Variants in PRELID2 observed in about 807,000 individuals in gnomAD.
PRELID2 encodes PRELI domain containing 2.
A neutral mutation model predicts 28.4 loss-of-function variants in PRELID2; 25 were observed. The ratio of observed to expected loss-of-function variants is 0.88; its 90% confidence interval spans 0.64 to 1.23. The LOEUF (loss-of-function observed/expected upper bound fraction) is 1.23. PRELID2 is among the 50% of genes most tolerant of loss of function. The pLI is 0.00. For synonymous variants in PRELID2, 76 were observed against 71.6 expected (o/e 1.06, Z -0.31); for missense variants, 201 against 214.4 (o/e 0.94, Z 0.39).
chr5:145,254,868 C>T, the PRELID2 span, among the ~76,000 whole-genome samples: 1 of 150,390 alleles, frequency 6.6e-6, no homozygotes, highest in African/African-American at 2.5e-5. Context: ...TGGCCAAATA[C>T]GAGAAATGAG....
chr5:145,320,218 C>T, the PRELID2 span, among the ~76,000 whole-genome samples: 1 of 151,618 alleles, frequency 6.6e-6, no homozygotes. Flanking sequence ...ACTACTTGCA[C>T]TTGGCATTTC....
At chr5:145,464,782 C>T in the PRELID2 span, among the ~76,000 whole-genome samples, 2 of 152,036 alleles carry the variant, frequency 1.3e-5, no homozygotes, top group Non-Finnish European at 2.9e-5. Context: ...TAATTAAAGC[C>T]TCTCTATGAA....
intron 4 of PRELID2, among the ~76,000 whole-genome samples, chr5:145,805,342 A>G (rs546454707): frequency 1.3e-5 from 2 of 152,292 alleles, no homozygotes; most frequent in African/African-American, 2.4e-5. Flanking sequence ...ATCATGCTTT[A>G]TAAGATTAAC....
At chr5:145,671,720 T>G (rs895124702) in intron 1 of PRELID2, among the ~76,000 whole-genome samples, 1 of 152,160 alleles carries the variant, frequency 6.6e-6, no homozygotes, top group Non-Finnish European at 1.5e-5. Flanking sequence ...TCCTTTTTAA[T>G]GCCAAACTAC....
chr5:145,326,200 C>A, the PRELID2 span, among the ~76,000 whole-genome samples: 1 of 152,016 alleles, frequency 6.6e-6, no homozygotes, highest in African/African-American at 2.4e-5. Flanking sequence ...AGGAAGAGGT[C>A]TTGGTATGTT....
At chr5:145,431,486 C>G in the PRELID2 span, among the ~76,000 whole-genome samples, 1 of 152,230 alleles carries the variant, frequency 6.6e-6, no homozygotes, top group South Asian at 2.1e-4. Context: ...TGTAACTGCA[C>G]AATGAAGAAG....
chr5:145,711,878 C>A (rs1333151941), intron 1 of PRELID2, among the ~76,000 whole-genome samples: 4 of 152,166 alleles, frequency 2.6e-5, no homozygotes, highest in African/African-American at 4.8e-5. Context: ...AAGGAGAACG[C>A]CCCAGTGACC....
the PRELID2 span, among the ~76,000 whole-genome samples, chr5:145,443,582 A>C: frequency 6.6e-6 from 1 of 152,136 alleles, no homozygotes; most frequent in African/African-American, 2.4e-5. Context: ...GCTAAGAATA[A>C]AAGCAGTAGA....
chr5:145,310,394 A>G, the PRELID2 span, among the ~76,000 whole-genome samples: 1 of 152,204 alleles, frequency 6.6e-6, no homozygotes, highest in Non-Finnish European at 1.5e-5. Flanking sequence ...TAATTTTATC[A>G]AAGAAAATGC....
the PRELID2 span, among the ~76,000 whole-genome samples, chr5:145,299,733 A>T: frequency 6.6e-6 from 1 of 151,234 alleles, no homozygotes; most frequent in African/African-American, 2.4e-5. Context: ...GCTATTATTG[A>T]TTATCAATAG....
intron 1 of PRELID2, among the ~76,000 whole-genome samples, chr5:145,720,750 A>C (rs1273331641): frequency 1.3e-5 from 2 of 152,000 alleles, no homozygotes; most frequent in Non-Finnish European, 2.9e-5. Context: ...AAATAACATA[A>C]AATGTCAAAT....
chr5:145,289,293 C>A, the PRELID2 span, among the ~76,000 whole-genome samples: 1 of 152,096 alleles, frequency 6.6e-6, no homozygotes, highest in African/African-American at 2.4e-5. Context: ...TCTTTCTGAC[C>A]TTTCTGTTAT....
intron 1 of PRELID2, among the ~76,000 whole-genome samples, chr5:145,531,957 G>C (rs1359790851): frequency 6.6e-6 from 1 of 152,158 alleles, no homozygotes; most frequent in Non-Finnish European, 1.5e-5. Context: ...TTGCTCCTAA[G>C]TAAAATGGTG....
chr5:145,578,855 T>C (rs1188723134), intron 1 of PRELID2, among the ~76,000 whole-genome samples: 1 of 152,106 alleles, frequency 6.6e-6, no homozygotes, highest in African/African-American at 2.4e-5. Context: ...ATTAACCCAA[T>C]TTTATAAATG....
At chr5:145,392,090 C>T in the PRELID2 span, among the ~76,000 whole-genome samples, 2 of 152,114 alleles carry the variant, frequency 1.3e-5, no homozygotes, top group African/African-American at 2.4e-5. Context: ...AAGTTGCTTC[C>T]ACATTTTCAG....
chr5:145,515,378 C>A (rs372342309), intron 1 of PRELID2, among the ~76,000 whole-genome samples: 10 of 152,132 alleles, frequency 6.6e-5, no homozygotes, highest in African/African-American at 2.4e-4. Context: ...CACATCTATG[C>A]AAATAAACTA....
chr5:145,284,014 A>G, the PRELID2 span, among the ~76,000 whole-genome samples: 1 of 152,140 alleles, frequency 6.6e-6, no homozygotes, highest in African/African-American at 2.4e-5. Flanking sequence ...CCACGGTCAA[A>G]GAGATCTTGG....
the PRELID2 span, among the ~76,000 whole-genome samples, chr5:145,343,482 A>C: frequency 1.3e-5 from 2 of 151,866 alleles, no homozygotes; most frequent in African/African-American, 2.4e-5. Context: ...TGAAAAAAAA[A>C]CATAACATGT....
intron 1 of PRELID2, among the ~76,000 whole-genome samples, chr5:145,720,333 TA>T (rs1011488161): frequency 3.4e-5 from 5 of 147,008 alleles, no homozygotes; most frequent in Admixed American, 6.8e-5. Context: ...AAGATAATTT[TA>T]AAAAAAAAAC....
Sources: allele counts gnomAD v4.1 joint callset (sites outside exome capture counted in the v4.1 genomes callset), GRCh38; gene constraint gnomAD v4.1.1; transcripts MANE v1.5; gene names NCBI Gene and HGNC (gene_info 2026-07-23, HGNC 2026-07-21).